The following GMDS variants were observed in gnomAD, a reference collection of about 807,000 sequenced individuals.
The protein encoded by GMDS is GDP-mannose 4,6-dehydratase.
Under a neutral mutation model 49.9 loss-of-function variants are expected in GMDS, and 20 were observed. That is an observed-to-expected ratio of 0.40 (90% CI 0.28 to 0.58). The LOEUF (loss-of-function observed/expected upper bound fraction) is 0.58. GMDS is among the 20% of genes least tolerant of loss of function. The probability of loss-of-function intolerance (pLI) is 0.42; values close to 1 mark genes in which losing one functional copy is unlikely to be tolerated. For synonymous variants in GMDS, 177 were observed against 178.6 expected (o/e 0.99, Z 0.07); for missense variants, 362 against 481.4 (o/e 0.75, Z 2.32).
At chr6:1,850,665 TAA>T (rs1757623999) in intron 7 of GMDS, among the ~76,000 whole-genome samples, 2 of 152,126 alleles carry the variant, frequency 1.3e-5, no homozygotes, top group Admixed American at 6.5e-5. Context: ...GCTAGGAGGC[TAA>T]TAAGCACAGA....
At chr6:2,061,458 C>T (rs147251859) in intron 4 of GMDS, among the ~76,000 whole-genome samples, 2,640 of 152,014 alleles carry the variant, frequency 0.017, 58 homozygotes, top group African/African-American at 0.047. Context: ...GGCTCATGCC[C>T]GTAATCCCAA....
At chr6:2,060,212 G>A (rs1474679629) in intron 4 of GMDS, among the ~76,000 whole-genome samples, 1 of 152,100 alleles carries the variant, frequency 6.6e-6, no homozygotes, top group African/African-American at 2.4e-5. Flanking sequence ...TACTGTTCCC[G>A]GGTCCCTGCA....
intron 7 of GMDS, among the ~76,000 whole-genome samples, chr6:1,909,836 C>T (rs1471711129): frequency 2.0e-5 from 3 of 152,192 alleles, no homozygotes; most frequent in African/African-American, 7.2e-5. Context: ...CAGAAGCATC[C>T]AGATTTTCTT....
intron 9 of GMDS, among the ~76,000 whole-genome samples, chr6:1,660,880 A>G (rs1274851355): frequency 6.6e-6 from 1 of 151,052 alleles, no homozygotes; most frequent in Non-Finnish European, 1.5e-5. Flanking sequence ...CCTTCTTTCC[A>G]GCATAGTTCC....
intron 9 of GMDS, among the ~76,000 whole-genome samples, chr6:1,630,738 G>T (rs1217746331): frequency 6.6e-6 from 1 of 152,156 alleles, no homozygotes; most frequent in African/African-American, 2.4e-5. Context: ...AATTGCAATC[G>T]TGGAGTTAAT....
intron 9 of GMDS, among the ~76,000 whole-genome samples, chr6:1,685,737 A>G (rs1253451403): frequency 6.6e-6 from 1 of 152,126 alleles, no homozygotes; most frequent in Non-Finnish European, 1.5e-5. Flanking sequence ...GGAAAAACGG[A>G]GTGAAGAGGA....
chr6:1,981,268 T>C (rs1315758937), intron 4 of GMDS, among the ~76,000 whole-genome samples: 1 of 135,934 alleles, frequency 7.4e-6, no homozygotes, highest in Non-Finnish European at 1.6e-5. Flanking sequence ...TGGAAAAAAA[T>C]TAATAAAATA....
intron 1 of GMDS, among the ~76,000 whole-genome samples, chr6:2,186,241 T>A (rs1219152224): frequency 1.3e-5 from 2 of 152,212 alleles, no homozygotes; most frequent in East Asian, 3.8e-4. Context: ...CTGCAATGTT[T>A]TAATGTACAA....
chr6:2,057,786 T>C (rs1418256678), intron 4 of GMDS, among the ~76,000 whole-genome samples: 2 of 152,232 alleles, frequency 1.3e-5, no homozygotes, highest in Middle Eastern at 3.2e-3. Flanking sequence ...AGCAGAACTT[T>C]CTGTGGTAAT....
At chr6:2,013,055 C>T (rs530076388) in intron 4 of GMDS, among the ~76,000 whole-genome samples, 103 of 152,264 alleles carry the variant, frequency 6.8e-4, no homozygotes, top group African/African-American at 2.5e-3. Context: ...AAAAAAACTG[C>T]TAAGAAACAA....
At chr6:1,893,659 C>G (rs1434333208) in intron 7 of GMDS, among the ~76,000 whole-genome samples, 1 of 152,182 alleles carries the variant, frequency 6.6e-6, no homozygotes, top group African/African-American at 2.4e-5. Flanking sequence ...GCTGAGGCAG[C>G]CAGGCCACCT....
rs1246135856 is a variant in GMDS, at chr6:2,000,035, CTT to C, written c.346-39071_346-39070del. ...TTTTTATATATATATATATCTATAT[CTT>C]TTTTTTTTTTTTTTTGAGATGGAGT... On this transcript the variant is annotated intron_variant, in intron 4 of 10. Transcript: ENST00000380815. Among the ~76,000 whole-genome samples, 26 of 13,348 alleles carry C rather than the reference CTT, an allele frequency of 1.9e-3. 1 individual carries two copies. Among genetic ancestry groups the C allele is most frequent in the African/African-American group, 6.2e-3 (25 of 4,016 alleles). 8.8% of individuals were successfully genotyped at this position (13,348 alleles called of 152,430 possible).
At chr6:2,207,168 C>T (rs901926494) in intron 1 of GMDS, among the ~76,000 whole-genome samples, 5 of 152,086 alleles carry the variant, frequency 3.3e-5, no homozygotes, top group African/African-American at 1.2e-4. Context: ...TAATCAATGA[C>T]CTAGGTAGCC....
intron 4 of GMDS, among the ~76,000 whole-genome samples, chr6:2,030,863 A>G (rs1768912605): frequency 6.6e-6 from 1 of 152,214 alleles, no homozygotes; most frequent in African/African-American, 2.4e-5. Context: ...TAAAATGTGA[A>G]AAAGCCTAGA....
intron 7 of GMDS, among the ~76,000 whole-genome samples, chr6:1,914,424 AC>A (rs772163755): frequency 6.7e-6 from 1 of 149,986 alleles, no homozygotes; most frequent in Non-Finnish European, 1.5e-5. Flanking sequence ...CCGAGATCGC[AC>A]CACTGCACTC....
At chr6:1,822,554 T>A (rs1453516919) in intron 7 of GMDS, among the ~76,000 whole-genome samples, 1 of 152,174 alleles carries the variant, frequency 6.6e-6, no homozygotes, top group Non-Finnish European at 1.5e-5. Flanking sequence ...AATATTGATA[T>A]TTTTCTAGAT....
Position 1,709,521 on chromosome 6 carries a change from C to T in GMDS, c.987+16895G>A, listed in dbSNP as rs1376913621. Among the ~76,000 whole-genome samples, 9 of 152,344 alleles carry T rather than the reference C, an allele frequency of 5.9e-5. No individual in the cohort carries two copies. The East Asian group carries it at 7.7e-4, about 13-fold the overall frequency. On this transcript the variant is annotated intron_variant, in intron 9 of 10. Coordinates refer to ENST00000380815, the MANE Select transcript of GMDS (RefSeq NM_001500.4). ...ATGAGGCTCTGTGCTGGAGAAGCCA[C>T]GGTGGCAAAGGCCAACATCTCAGAG...
intron 1 of GMDS, among the ~76,000 whole-genome samples, chr6:2,209,340 A>G (rs1011134679): frequency 6.6e-6 from 1 of 152,226 alleles, no homozygotes; most frequent in Non-Finnish European, 1.5e-5. Flanking sequence ...ACTGAACACA[A>G]TGTACTCTGC....
intron 1 of GMDS, among the ~76,000 whole-genome samples, chr6:2,163,858 C>G (rs1193868826): frequency 1.3e-5 from 2 of 152,156 alleles, no homozygotes. Flanking sequence ...TAAGGCCTAA[C>G]AGACGAAAGC....
Sources: allele counts gnomAD v4.1 joint callset (sites outside exome capture counted in the v4.1 genomes callset), GRCh38; gene constraint gnomAD v4.1.1; transcripts MANE v1.5; gene names NCBI Gene and HGNC (gene_info 2026-07-23, HGNC 2026-07-21).